Variants in SLC26A3 observed in about 807,000 individuals in gnomAD.
SLC26A3 encodes the protein chloride anion exchanger.
A neutral mutation model predicts 85.6 loss-of-function variants in SLC26A3; 64 were observed. The observed-to-expected ratio is 0.75, with a 90% CI of 0.61 to 0.92. SLC26A3 has a LOEUF of 0.92. SLC26A3 is among the 40% of genes least tolerant of loss of function. The pLI, the probability that SLC26A3 is intolerant of heterozygous loss-of-function variation, is 0.00. For synonymous variants in SLC26A3, 349 were observed against 336.0 expected, an observed-to-expected ratio of 1.04 and a Z score of -0.42; for missense variants, 922 against 927.3, an observed-to-expected ratio of 0.99 and a Z score of 0.07.
intron 18 of SLC26A3, among the ~76,000 whole-genome samples, chr7:107,770,102 GTCTT>G (rs1446917516): frequency 7.2e-5 from 4 of 55,344 alleles, no homozygotes; most frequent in South Asian, 1.4e-3. Flanking sequence ...TTCTTATTTC[GTCTT>G]TCTTCTTTCT....
chr7:107,797,486 TCCG>T (rs1794527017), intron 1 of SLC26A3, among the ~76,000 whole-genome samples: 1 of 128,472 alleles, frequency 7.8e-6, no homozygotes, highest in African/African-American at 3.0e-5. Flanking sequence ...AGAGCGAGAC[TCCG>T]TCTCAAAAAA....
At position 107,767,521 on chromosome 7, in the gene SLC26A3, T is replaced by C. The variant is rs1793934051; in HGVS notation, c.2271+58A>G. ...CATGCAGGAAGTGGCCTCACTACTTTGAAGGTTTTTTTTTGCTGTGATGTC... is the reference window on the plus strand; with the variant it reads ...CATGCAGGAAGTGGCCTCACTACTTCGAAGGTTTTTTTTTGCTGTGATGTC... On this transcript the variant is annotated intron_variant, in intron 20 of 20. Transcript: ENST00000340010. The C allele has an allele frequency of 1.7e-5, 23 of 1,334,888 alleles. No individual in the cohort carries two copies. In the South Asian group the frequency reaches 2.5e-4, roughly 14 times the overall value. 82.7% of individuals were successfully genotyped at this position (1,334,888 alleles called of 1,614,324 possible). A position where few individuals can be genotyped will look rare whatever the true frequency, so the allele number is the denominator to read the frequency against.
At chr7:107,773,747 C>T (rs538010861) in intron 17 of SLC26A3, among the ~76,000 whole-genome samples, 173 bp downstream of exon 17, 9 of 152,296 alleles carry the variant, frequency 5.9e-5, no homozygotes, top group African/African-American at 1.4e-4. Context: ...GACGGGGCTT[C>T]GCCATGTTGG....
intron 18 of SLC26A3, among the ~76,000 whole-genome samples, chr7:107,770,075 CTT>C (rs1271265391): frequency 9.3e-6 from 1 of 108,072 alleles, no homozygotes; most frequent in East Asian, 2.6e-4. Flanking sequence ...TTCTTTCTCT[CTT>C]TTTTCTTTCT....
At chr7:107,777,387 GA>G (rs754876363) in intron 13 of SLC26A3, among the ~76,000 whole-genome samples, 1 of 152,114 alleles carries the variant, frequency 6.6e-6, no homozygotes, top group Non-Finnish European at 1.5e-5. Flanking sequence ...CCAAAGTCAG[GA>G]ATTCACGAAC....
rs148222595 is a variant in SLC26A3, at chr7:107,776,649, T to C, written c.1572A>G (p.Lys524=). 97 of 1,613,572 alleles carry C rather than the reference T, an allele frequency of 6.0e-5. No homozygotes were observed. In the African/African-American group the frequency reaches 1.2e-3, roughly 20 times the overall value. ...IGRTNIYKNK[K]DYYDMYEPEG... Reference sequence around the variant, plus strand: ...GAATCTCCCTTACATCATAATAATCTTTTTTATTCTTATAGATGTTGGTTC... The same window carrying C: ...GAATCTCCCTTACATCATAATAATCCTTTTTATTCTTATAGATGTTGGTTC... The change falls in exon 14 of 21, where the codon AAA becomes AAG. Residue 524 remains lysine (K), a synonymous_variant. Transcript: ENST00000340010.
Position 107,777,394 on chromosome 7 carries a change from C to T in SLC26A3, c.1515-688G>A, listed in dbSNP as rs146597826. ...CGGATCACCCAAAGTCAGGAATTCA[C>T]GAACCAGCCTGGCCAACACGGTGAA... On this transcript the variant is annotated intron_variant, in intron 13 of 20. Coordinates refer to ENST00000340010, the MANE Select transcript of SLC26A3 (RefSeq NM_000111.3). Among the ~76,000 whole-genome samples, 11 of 152,182 alleles carry T rather than the reference C, an allele frequency of 7.2e-5. No homozygotes were observed. In the East Asian group the frequency reaches 1.5e-3, roughly 21 times the overall value.
At chr7:107,789,143 G>A in intron 6 of SLC26A3, among the ~76,000 whole-genome samples, 1 of 141,594 alleles carries the variant, frequency 7.1e-6, no homozygotes, top group African/African-American at 2.6e-5. Flanking sequence ...TGAGACAAGA[G>A]TCTCACTGTG....
chr7:107,768,510 CA>C (rs1279842165), intron 18 of SLC26A3, among the ~76,000 whole-genome samples: 5 of 152,090 alleles, frequency 3.3e-5, no homozygotes, highest in Admixed American at 3.3e-4. Context: ...TAAGAAAGAT[CA>C]AAAGATAAAT....
rs375732869 is a variant in SLC26A3, at chr7:107,767,565, T to C, written c.2271+14A>G. ...TGATGTCTAGGTGAAGATAAACCTG[T>C]TGAAGAATCTTACCTCATATACCCG... On this transcript the variant is annotated intron_variant, in intron 20 of 20. Coordinates refer to ENST00000340010, the MANE Select transcript of SLC26A3 (RefSeq NM_000111.3). 6 of 1,588,202 alleles carry C rather than the reference T, an allele frequency of 3.8e-6. No homozygotes were observed. The African/African-American group carries it at 8.1e-5, about 21-fold the overall frequency.
Position 107,800,131 on chromosome 7 carries a change from A to G in SLC26A3, c.-89+2980T>C, listed in dbSNP as rs565133342. Among the ~76,000 whole-genome samples the G allele has an allele frequency of 7.7e-4, 117 of 152,324 alleles. 1 individual carries two copies. The highest frequency in any genetic ancestry group is 2.7e-3 in the African/African-American group (111 of 41,570). On this transcript the variant is annotated intron_variant, in intron 1 of 20. Transcript: ENST00000340010. Reference sequence around the variant, plus strand: ...ACGCTATGATATTTAACAGTTCCGTATCTCTGTACACATGATTTCCTTTGT... The same window carrying G: ...ACGCTATGATATTTAACAGTTCCGTGTCTCTGTACACATGATTTCCTTTGT...
At chr7:107,801,925 CAA>C (rs11356401) in intron 1 of SLC26A3, among the ~76,000 whole-genome samples, 236 of 91,220 alleles carry the variant, frequency 2.6e-3, no homozygotes, top group African/African-American at 6.3e-3. Context: ...ACTGAAAATA[CAA>C]AAAAAAAAAA....
chr7:107,799,894 G>A (rs1794572953), intron 1 of SLC26A3, among the ~76,000 whole-genome samples: 1 of 152,188 alleles, frequency 6.6e-6, no homozygotes, highest in African/African-American at 2.4e-5. Flanking sequence ...AAATGTTAGT[G>A]CTGCCAACTT....
At position 107,787,518 on chromosome 7, in the gene SLC26A3, A is replaced by G. The variant is rs374479892; in HGVS notation, c.736-9T>C. On this transcript the variant is annotated splice_polypyrimidine_tract_variant and intron_variant, in intron 6 of 20. Coordinates refer to ENST00000340010, the MANE Select transcript of SLC26A3 (RefSeq NM_000111.3). ...AATACAGAGTATAGTACCTACAATT[A>G]TAAAAACAAAAACCACCAAAGCCCT... 8.1e-6 allele frequency: 13 copies of G among 1,611,340 alleles called. No homozygotes were observed. The highest frequency in any genetic ancestry group is 1.1e-5 in the Non-Finnish European group (13 of 1,179,042).
At chr7:107,768,060 CTATCTT>C in intron 18 of SLC26A3, 152 bp from the exon 19 acceptor site, 1 of 694,172 alleles carries the variant, frequency 1.4e-6, no homozygotes. Context: ...TAATACCAGT[CTATCTT>C]TAGTACAATG....
At position 107,787,359 on chromosome 7, in the gene SLC26A3, T is replaced by G. The variant is rs746613423; in HGVS notation, c.886A>C (p.Met296Leu). ...AGAGTCTGAAAATGATCAATTACCA[T>G]AATGAATTCGATTGGAATGGGCACT... ...LPVPIPIEFI[M>L]TVIAAGVSYG... Residue 296 changes from methionine (M) to leucine (L), a missense_variant and splice_region_variant, in exon 7 of 21, where the codon ATG (methionine) becomes CTG (leucine). Coordinates refer to ENST00000340010, the MANE Select transcript of SLC26A3 (RefSeq NM_000111.3). 1 of 1,613,954 alleles carries G rather than the reference T, an allele frequency of 6.2e-7. No homozygotes were observed. The highest frequency in any genetic ancestry group is 8.5e-7 in the Non-Finnish European group (1 of 1,179,884).
At position 107,794,401 on chromosome 7, in the gene SLC26A3, C is replaced by A; in HGVS notation, c.109G>T (p.Asp37Tyr). ...TACCTACAACACACTTTGAGATGAT[C>A]CAGAAATGTCTTATGATGTCTTCCT... Reference protein sequence around the residue: ...KTGRHHKTFLDHLKVCCSCSP... With the variant: ...KTGRHHKTFLYHLKVCCSCSP... Residue 37 changes from aspartate to tyrosine, a missense_variant, in exon 2 of 21, where the codon GAT (aspartate) becomes TAT (tyrosine). Physicochemically the swap from Asp to Tyr is radical, Grantham distance 160. Coordinates refer to ENST00000340010, the MANE Select transcript of SLC26A3 (RefSeq NM_000111.3). 5 of 1,614,024 alleles carry A rather than the reference C, an allele frequency of 3.1e-6. No homozygotes were observed. Among genetic ancestry groups the A allele is most frequent in the Non-Finnish European group, 4.2e-6 (5 of 1,179,910 alleles).
chr7:107,778,313 T>A, intron 12 of SLC26A3, 32 bp from the exon 13 acceptor site: 1 of 1,339,214 alleles, frequency 7.5e-7, no homozygotes, highest in Non-Finnish European at 1.1e-6. Context: ...TACACTACAA[T>A]TTACTTTGAT....
In SLC26A3 at chr7:107,767,807, T is replaced by A. The variant is rs748398966; in HGVS notation, c.2164A>T (p.Met722Leu). The A allele has an allele frequency of 1.9e-6, 3 of 1,613,820 alleles. No individual in the cohort carries two copies. In the South Asian group the frequency reaches 3.3e-5, roughly 18 times the overall value. ...TIHDAVLHIL[M>L]KKDYSTSKFN... Reference sequence around the variant, plus strand: ...TTTGAAGTACTGTAATCTTTCTTCATCAAAATATGCAAAACAGCATCATGG... The same window carrying A: ...TTTGAAGTACTGTAATCTTTCTTCAACAAAATATGCAAAACAGCATCATGG... Residue 722 changes from methionine (M) to leucine (L), a missense_variant, in exon 19 of 21, where the codon ATG (methionine) becomes TTG (leucine). Physicochemically the swap from Met to Leu is conservative, Grantham distance 15. Coordinates refer to ENST00000340010, the MANE Select transcript of SLC26A3 (RefSeq NM_000111.3).
Sources: gnomAD v4.1 joint callset for allele counts (sites outside exome capture counted in the v4.1 genomes callset) on GRCh38, gnomAD v4.1.1 for gene constraint, MANE v1.5 for transcripts, NCBI Gene and HGNC (gene_info 2026-07-23, HGNC 2026-07-21) for gene names.